USH2A: variants seen among roughly 807,000 people sequenced by gnomAD.
USH2A encodes usherin.
In USH2A, 443 loss-of-function variants were observed where a neutral mutation model predicts 538.9. The ratio of observed to expected loss-of-function variants is 0.82; its 90% confidence interval spans 0.76 to 0.89. USH2A has a LOEUF of 0.89. Ranked by LOEUF, USH2A falls within the 40% of genes least tolerant of loss-of-function variation. The pLI is 0.00. For missense variants in USH2A, 6,633 were observed against 6,324.8 expected, an observed-to-expected ratio of 1.05 and a Z score of -1.65; for synonymous variants, 2,413 against 2,273.5, an observed-to-expected ratio of 1.06 and a Z score of -1.75.
At chr1:215,753,050 A>G (rs1430001916) in intron 58 of USH2A, among the ~76,000 whole-genome samples, 2 of 152,240 alleles carry the variant, frequency 1.3e-5, no homozygotes, top group Admixed American at 1.3e-4. Context: ...GCCAAAAGAC[A>G]CATGAAAAAA....
At chr1:215,744,341 T>C (rs1160102918) in intron 58 of USH2A, among the ~76,000 whole-genome samples, 1 of 152,252 alleles carries the variant, frequency 6.6e-6, no homozygotes, top group Admixed American at 6.5e-5. Flanking sequence ...TCTTGTCAGT[T>C]TAGCCTCGTC....
intron 20 of USH2A, among the ~76,000 whole-genome samples, chr1:216,188,100 A>AATCC (rs968731950): frequency 7.2e-5 from 11 of 152,088 alleles, no homozygotes; most frequent in Admixed American, 3.3e-4. Context: ...TTTACTTCAC[A>AATCC]ATCCTGCCAG....
intron 32 of USH2A, among the ~76,000 whole-genome samples, chr1:216,031,540 T>C (rs1048226068): frequency 2.0e-5 from 3 of 152,176 alleles, no homozygotes; most frequent in African/African-American, 7.2e-5. Context: ...CTTCTTGCAT[T>C]TAGTGTTCTA....
chr1:216,075,701 A>G (rs2031724434), intron 27 of USH2A, among the ~76,000 whole-genome samples: 1 of 152,190 alleles, frequency 6.6e-6, no homozygotes, highest in South Asian at 2.1e-4. Context: ...CCCAACCTAG[A>G]TGTAAGTGAT....
At chr1:216,262,084 G>A (rs145905860) in intron 11 of USH2A, among the ~76,000 whole-genome samples, 11 of 152,120 alleles carry the variant, frequency 7.2e-5, no homozygotes, top group Admixed American at 1.3e-4. Flanking sequence ...CCCTATAAGC[G>A]CTAGTCCATA....
At chr1:215,693,933 A>G (rs925878907) in intron 61 of USH2A, among the ~76,000 whole-genome samples, 2 of 152,226 alleles carry the variant, frequency 1.3e-5, no homozygotes, top group African/African-American at 4.8e-5. Context: ...AGCTCCAAAT[A>G]AAGATGAATC....
chr1:215,881,123 A>G (rs1558142378), intron 41 of USH2A, among the ~76,000 whole-genome samples: 1 of 151,972 alleles, frequency 6.6e-6, no homozygotes. Flanking sequence ...TCAATCAATC[A>G]ATTAATCAAT....
intron 4 of USH2A, among the ~76,000 whole-genome samples, chr1:216,357,187 A>G (rs1019441200): frequency 6.6e-6 from 1 of 152,138 alleles, no homozygotes; most frequent in Non-Finnish European, 1.5e-5. Context: ...CTACATTAAC[A>G]TCATTTTAAA....
rs1453306308 is a variant in USH2A, at chr1:215,837,992, T to C, written c.9370A>G (p.Arg3124Gly). ...TTTAACTGACACAAAATTTTGTACC[T>C]TGAAGTGATGCCACGAATTGTGGGT... ...PTPTIRGITS[R>G]SLQIDWVSPR... The change falls in exon 47 of 72, where the codon AGA (arginine) becomes GGA (glycine). Residue 3124 changes from arginine (R) to glycine (G), a missense_variant and splice_region_variant. Coordinates refer to ENST00000307340, the MANE Select transcript of USH2A (RefSeq NM_206933.4). 6.2e-7 allele frequency: 1 copy of C among 1,613,252 alleles called. No individual in the cohort carries two copies. Among genetic ancestry groups the C allele is most frequent in the Non-Finnish European group, 8.5e-7 (1 of 1,179,200 alleles).
intron 52 of USH2A, 93 bp downstream of exon 52, chr1:215,786,577 G>A: frequency 7.3e-7 from 1 of 1,363,650 alleles, no homozygotes; most frequent in Non-Finnish European, 1.0e-6. Flanking sequence ...ATCAGTTTAA[G>A]GAGAGTTGAT....
chr1:215,716,371 GAA>G (rs1465904300), intron 61 of USH2A, among the ~76,000 whole-genome samples: 1 of 152,168 alleles, frequency 6.6e-6, no homozygotes, highest in Non-Finnish European at 1.5e-5. Context: ...TCCACTTATA[GAA>G]ACCAACCCAT....
chr1:215,985,058 G>T (rs752312896), intron 35 of USH2A, among the ~76,000 whole-genome samples: 1 of 152,174 alleles, frequency 6.6e-6, no homozygotes, highest in East Asian at 1.9e-4. Flanking sequence ...TAAAAGTTAC[G>T]CAAGGTTTGC....
chr1:215,643,736 C>T lies in USH2A; in HGVS notation c.14792-3002G>A, dbSNP rs111677690. 1.5e-3 allele frequency among the ~76,000 whole-genome samples: 227 copies of T among 152,190 alleles called. 1 individual carries two copies. The highest frequency in any genetic ancestry group is 5.3e-3 in the African/African-American group (221 of 41,530). ...TAGAGATAGGTGTCTTGATATGTTGCCCAGGCTGGTCGTGAACTCTTAGCC... is the reference window on the plus strand; with the variant it reads ...TAGAGATAGGTGTCTTGATATGTTGTCCAGGCTGGTCGTGAACTCTTAGCC... On this transcript the variant is annotated intron_variant, in intron 67 of 71. Transcript: ENST00000307340.
chr1:216,046,682 C>A (rs2030535723), intron 31 of USH2A, 90 bp from the exon 32 acceptor site: 1 of 1,464,468 alleles, frequency 6.8e-7, no homozygotes. Flanking sequence ...ATGGAATAAA[C>A]CTGAAATCCC....
chr1:215,996,056 T>C (rs1476042217), intron 34 of USH2A, among the ~76,000 whole-genome samples: 2 of 152,074 alleles, frequency 1.3e-5, no homozygotes, highest in African/African-American at 4.8e-5. Flanking sequence ...GATTATATGC[T>C]TGCAGCACCA....
chr1:215,649,893 T>A (rs892066033), intron 65 of USH2A, among the ~76,000 whole-genome samples: 1 of 152,196 alleles, frequency 6.6e-6, no homozygotes, highest in Non-Finnish European at 1.5e-5. Context: ...TGGCTGCTGG[T>A]ATCTTCATTT....
At chr1:216,000,681 A>G in intron 32 of USH2A, 119 bp from the exon 33 acceptor site, 1 of 1,241,390 alleles carries the variant, frequency 8.1e-7, no homozygotes, top group Non-Finnish European at 1.2e-6. Flanking sequence ...AAATATGAAT[A>G]AATAGCCATA....
intron 4 of USH2A, among the ~76,000 whole-genome samples, chr1:216,341,999 A>T (rs2038085590): frequency 6.6e-6 from 1 of 152,180 alleles, no homozygotes; most frequent in South Asian, 2.1e-4. Flanking sequence ...GCCAAATGGG[A>T]TCTAATTAAA....
intron 40 of USH2A, among the ~76,000 whole-genome samples, chr1:215,895,559 T>C (rs1037906322): frequency 6.6e-6 from 1 of 152,202 alleles, no homozygotes; most frequent in African/African-American, 2.4e-5. Flanking sequence ...GAAGAACCTC[T>C]GTTCCTTTGT....
Sources: allele counts gnomAD v4.1 joint callset (sites outside exome capture counted in the v4.1 genomes callset), GRCh38; gene constraint gnomAD v4.1.1; transcripts MANE v1.5; gene names NCBI Gene and HGNC (gene_info 2026-07-23, HGNC 2026-07-21).